Variants in KDM2B observed in about 807,000 individuals in gnomAD.
The protein encoded by KDM2B is lysine-specific demethylase 2B.
In KDM2B, 26 loss-of-function variants were observed where a neutral mutation model predicts 150.0. That is an observed-to-expected ratio of 0.17 (90% confidence interval 0.13 to 0.24). The LOEUF (loss-of-function observed/expected upper bound fraction) is 0.24. Ranked by LOEUF, KDM2B falls within the 10% of genes least tolerant of loss-of-function variation. The probability of loss-of-function intolerance (pLI) is 1.00; values close to 1 mark genes in which losing one functional copy is unlikely to be tolerated. For synonymous variants in KDM2B, 734 were observed against 729.5 expected, an observed-to-expected ratio of 1.01 and a Z score of -0.10; for missense variants, 1,265 against 1,816.9, an observed-to-expected ratio of 0.70 and a Z score of 5.52.
chr12:121,539,896 C>T (rs1319010590), intron 6 of KDM2B, among the ~76,000 whole-genome samples: 1 of 152,092 alleles, frequency 6.6e-6, no homozygotes, highest in Non-Finnish European at 1.5e-5. Flanking sequence ...CACACCACTA[C>T]ACCCGGCTGA....
At chr12:121,416,072 T>C in the KDM2B span, 1 of 1,068,868 alleles carries the variant, frequency 9.4e-7, no homozygotes, top group African/African-American at 1.6e-5. Flanking sequence ...AGGGCAAACT[T>C]ACCTCTCCAG....
intron 9 of KDM2B, chr12:121,516,389 T>C (rs1386766567): frequency 1.1e-6 from 1 of 908,524 alleles, no homozygotes; most frequent in Non-Finnish European, 1.5e-6. Context: ...GATGAAGGAA[T>C]TCAAATTTTT....
chr12:121,483,055 CG>C (rs1168617628), intron 12 of KDM2B, among the ~76,000 whole-genome samples: 4 of 151,820 alleles, frequency 2.6e-5, no homozygotes, highest in Non-Finnish European at 4.4e-5. Context: ...CCCAGCTACT[CG>C]GGAGGCTGAG....
At chr12:121,548,759 G>A (rs2141993445) in intron 6 of KDM2B, 118 bp downstream of exon 6, 2 of 746,466 alleles carry the variant, frequency 2.7e-6, no homozygotes, top group East Asian at 2.5e-5. Flanking sequence ...GTTCTGAACG[G>A]GAGCGGTTGT....
chr12:121,554,217 A>G (rs1203077376), intron 4 of KDM2B, among the ~76,000 whole-genome samples: 1 of 151,996 alleles, frequency 6.6e-6, no homozygotes, highest in African/African-American at 2.4e-5. Context: ...CAGCTTGGGC[A>G]ACAGAGCCAG....
At chr12:121,571,584 G>A (rs1337307978) in intron 4 of KDM2B, among the ~76,000 whole-genome samples, 3 of 151,998 alleles carry the variant, frequency 2.0e-5, no homozygotes, top group African/African-American at 2.4e-5. Flanking sequence ...GTGAGCCACC[G>A]CGCCCAACCA....
chr12:121,441,843 A>C (rs1285273403), intron 19 of KDM2B, among the ~76,000 whole-genome samples: 3 of 152,240 alleles, frequency 2.0e-5, no homozygotes, highest in Non-Finnish European at 4.4e-5. Context: ...AGCTAAGGCC[A>C]GAAAGCTGGT....
chr12:121,534,455 C>T (rs781996560), intron 7 of KDM2B, 42 bp downstream of exon 7: 31 of 1,455,746 alleles, frequency 2.1e-5, no homozygotes, highest in Non-Finnish European at 3.0e-5. Context: ...CCCACACAAA[C>T]AGCTAGAGAT....
chr12:121,439,191 G>A (rs1237639064), intron 22 of KDM2B, among the ~76,000 whole-genome samples: 1 of 152,070 alleles, frequency 6.6e-6, no homozygotes, highest in Non-Finnish European at 1.5e-5. Context: ...GCTCCCTCCT[G>A]CCCACCAGGG....
intron 12 of KDM2B, among the ~76,000 whole-genome samples, chr12:121,487,995 C>T (rs1882956611): frequency 6.6e-6 from 1 of 151,994 alleles, no homozygotes; most frequent in Non-Finnish European, 1.5e-5. Flanking sequence ...GTTGGCCAGG[C>T]TAGTCTCGAA....
chr12:121,520,934 C>A lies in KDM2B; in HGVS notation c.1047+51G>T. 7.1e-7 allele frequency: 1 copy of A among 1,414,232 alleles called. No individual in the cohort carries two copies. The highest frequency in any genetic ancestry group is 2.3e-5 in the East Asian group (1 of 43,656). The allele number at this position is 1,414,232 out of a possible 1,614,324, so 87.6% of individuals were successfully genotyped here. On this transcript the variant is annotated intron_variant, in intron 9 of 22. Transcript: ENST00000377071. This position sits in a 1 kb window ranked among gnomAD's most constrained non-coding sequence, Gnocchi z 4.5. ...ACCTGTCCCACACACCGAGCACCGG[C>A]AGAGCTCAGGGGCCAGGCGCGCACG...
At chr12:121,557,834 G>A (rs371039475) in intron 4 of KDM2B, among the ~76,000 whole-genome samples, 7 of 152,278 alleles carry the variant, frequency 4.6e-5, no homozygotes, top group South Asian at 2.1e-4. Context: ...GAAACTAATC[G>A]AAGGGTTAGT....
intron 12 of KDM2B, among the ~76,000 whole-genome samples, chr12:121,484,802 A>T (rs1029873575): frequency 1.1e-4 from 16 of 152,302 alleles, no homozygotes; most frequent in African/African-American, 3.8e-4. Context: ...TGGGCAACAG[A>T]GCAAGACCCT....
intron 8 of KDM2B, among the ~76,000 whole-genome samples, chr12:121,525,409 G>A (rs1555306648): frequency 6.6e-6 from 1 of 151,968 alleles, no homozygotes; most frequent in African/African-American, 2.4e-5. Context: ...TGGAATCACA[G>A]GCACACAAAT....
At chr12:121,528,575 T>TAATA (rs56986386) in intron 8 of KDM2B, among the ~76,000 whole-genome samples, 3,843 of 148,906 alleles carry the variant, frequency 0.026, 128 homozygotes, top group African/African-American at 0.08. Flanking sequence ...AATGAAAAAA[T>TAATA]AATAAATAAA....
the KDM2B span, among the ~76,000 whole-genome samples, chr12:121,419,701 G>C: frequency 6.1e-3 from 922 of 152,290 alleles, 24 homozygotes; most frequent in East Asian, 0.091. Flanking sequence ...GTTTTCTAAA[G>C]TGTTCTGATT....
chr12:121,565,608 G>A (rs995236789), intron 4 of KDM2B, among the ~76,000 whole-genome samples: 13 of 150,090 alleles, frequency 8.7e-5, no homozygotes, highest in African/African-American at 3.0e-4. Flanking sequence ...GCGGGCCACC[G>A]CGCCTGGCCA....
intron 4 of KDM2B, among the ~76,000 whole-genome samples, chr12:121,562,452 C>A (rs1890412907): frequency 6.6e-6 from 1 of 152,096 alleles, no homozygotes; most frequent in African/African-American, 2.4e-5. Context: ...TCACTGTACT[C>A]CAGCCTGAGC....
At chr12:121,458,309 G>A (rs1878577587) in intron 12 of KDM2B, among the ~76,000 whole-genome samples, 1 of 152,160 alleles carries the variant, frequency 6.6e-6, no homozygotes, top group Non-Finnish European at 1.5e-5. Flanking sequence ...ACAGGAAGCA[G>A]AGGTTGCACT....
Sources: gnomAD v4.1 joint callset for allele counts (sites outside exome capture counted in the v4.1 genomes callset) on GRCh38, gnomAD v4.1.1 for gene constraint, Gnocchi (gnomAD v3.1) non-coding constraint, MANE v1.5 for transcripts, NCBI Gene and HGNC (gene_info 2026-07-23, HGNC 2026-07-21) for gene names.